The following SGCD variants were observed in gnomAD, a reference collection of about 807,000 sequenced individuals.
SGCD encodes the protein delta-sarcoglycan.
A neutral mutation model predicts 36.6 loss-of-function variants in SGCD; 18 were observed. The observed-to-expected ratio is 0.49, with a 90% confidence interval of 0.34 to 0.73. SGCD has a LOEUF of 0.73. Ranked by LOEUF, SGCD falls within the 30% of genes least tolerant of loss-of-function variation. The pLI, the probability that SGCD is intolerant of heterozygous loss-of-function variation, is 0.01. For missense variants in SGCD, 387 were observed against 346.7 expected, an observed-to-expected ratio of 1.12 and a Z score of -0.92; for synonymous variants, 133 against 130.6, an observed-to-expected ratio of 1.02 and a Z score of -0.12.
chr5:156,123,569 G>A (rs561712201), intron 2 of SGCD, among the ~76,000 whole-genome samples: 2 of 152,198 alleles, frequency 1.3e-5, no homozygotes, highest in South Asian at 2.1e-4. Context: ...ATGGAAAATC[G>A]CTTTTGCTCT....
chr5:156,311,225 C>T (rs1171461141), intron 3 of SGCD, among the ~76,000 whole-genome samples: 1 of 152,102 alleles, frequency 6.6e-6, no homozygotes, highest in Non-Finnish European at 1.5e-5. Context: ...CTGCTTGAGA[C>T]TAGATTCCCT....
chr5:156,198,388 T>C (rs955578185), intron 3 of SGCD, among the ~76,000 whole-genome samples: 5 of 152,160 alleles, frequency 3.3e-5, no homozygotes, highest in Non-Finnish European at 5.9e-5. Flanking sequence ...GCACTTGGAT[T>C]GAGAGACACC....
chr5:156,702,003 A>G lies in SGCD; in HGVS notation c.575+54467A>G, dbSNP rs142211206. ...CAACTCAGTCTTATATTGTCAGATT[A>G]TATTAGGGTTGCTTCTGTGATTTGA... On this transcript the variant is annotated intron_variant, in intron 7 of 8. Transcript: ENST00000337851. Among the ~76,000 whole-genome samples, 8 of 152,294 alleles carry G rather than the reference A, an allele frequency of 5.3e-5. No homozygotes were observed. In the East Asian group the frequency reaches 1.5e-3, roughly 29 times the overall value.
intron 5 of SGCD, among the ~76,000 whole-genome samples, chr5:156,591,520 AG>A (rs1429298321): frequency 4.6e-5 from 7 of 152,250 alleles, no homozygotes; most frequent in Non-Finnish European, 1.0e-4. Context: ...GGAGTGGGGA[AG>A]GGTTCTAGTG....
chr5:156,387,643 A>AG lies in SGCD; in HGVS notation c.192+42967dup, dbSNP rs543882865. Among the ~76,000 whole-genome samples the AG allele has an allele frequency of 1.5e-3, 225 of 152,342 alleles. 1 individual carries two copies. Among genetic ancestry groups the AG allele is most frequent in the Middle Eastern group, 3.4e-3 (1 of 294 alleles). ...TTGAAGCATGACATGGCTTTATAAA[A>AG]GCAGAATTATTGTTTGGCAGAGAGT... On this transcript the variant is annotated intron_variant, in intron 3 of 8. Transcript: ENST00000337851.
At chr5:156,250,614 CCA>C (rs1316659015) in intron 3 of SGCD, among the ~76,000 whole-genome samples, 9 of 152,104 alleles carry the variant, frequency 5.9e-5, no homozygotes, top group African/African-American at 2.2e-4. Context: ...AGAGGTTGAA[CCA>C]CTGTTCCTTT....
intron 3 of SGCD, among the ~76,000 whole-genome samples, chr5:156,397,171 A>G (rs916329821): frequency 6.6e-6 from 1 of 152,148 alleles, no homozygotes; most frequent in Non-Finnish European, 1.5e-5. Context: ...TCCTTTGGAG[A>G]GCTCATTCCA....
chr5:156,571,289 G>C (rs137910165), intron 4 of SGCD, among the ~76,000 whole-genome samples: 83 of 152,208 alleles, frequency 5.5e-4, no homozygotes, highest in African/African-American at 1.9e-3. Flanking sequence ...CAAGTGATCC[G>C]CCTGCCTGGG....
intron 1 of SGCD, among the ~76,000 whole-genome samples, chr5:156,010,240 T>A (rs868270139): frequency 7.2e-5 from 11 of 152,214 alleles, no homozygotes; most frequent in African/African-American, 2.7e-4. Flanking sequence ...GCAATTAAAA[T>A]CTCTGTTGAT....
chr5:155,864,808 T>C, the SGCD span, among the ~76,000 whole-genome samples: 1 of 152,222 alleles, frequency 6.6e-6, no homozygotes, highest in Non-Finnish European at 1.5e-5. Context: ...TCAGATATTT[T>C]CGGTACAGAT....
At chr5:155,791,825 C>G in the SGCD span, among the ~76,000 whole-genome samples, 4 of 152,056 alleles carry the variant, frequency 2.6e-5, no homozygotes, top group Non-Finnish European at 5.9e-5. Flanking sequence ...ATAAAATGGC[C>G]ATACTGCCCA....
Position 156,760,725 on chromosome 5 carries a change from C to T in SGCD, c.*1335C>T, listed in dbSNP as rs1027575391. On this transcript the variant is annotated 3_prime_UTR_variant, in exon 9 of 9. Coordinates refer to ENST00000337851, the MANE Select transcript of SGCD (RefSeq NM_000337.6). Reference sequence around the variant, plus strand: ...CCTTCATCATCATGCTCCAGGGTCACCCTGGCCAGCTCTTGTGCTGGGACA... The same window carrying T: ...CCTTCATCATCATGCTCCAGGGTCATCCTGGCCAGCTCTTGTGCTGGGACA... 2.0e-5 allele frequency: 3 copies of T among 152,714 alleles called. No homozygotes were observed. The highest frequency in any genetic ancestry group is 4.4e-5 in the Non-Finnish European group (3 of 68,080). 9.5% of individuals were successfully genotyped at this position (152,714 alleles called of 1,614,324 possible). A position where few individuals can be genotyped will look rare whatever the true frequency, so the allele number is the denominator to read the frequency against.
chr5:155,964,827 A>G (rs1199017307), intron 1 of SGCD, among the ~76,000 whole-genome samples: 1 of 152,114 alleles, frequency 6.6e-6, no homozygotes, highest in African/African-American at 2.4e-5. Flanking sequence ...ATGGGCCTAC[A>G]GCTAGGGTAT....
intron 6 of SGCD, among the ~76,000 whole-genome samples, chr5:156,623,730 G>C (rs1291857108): frequency 6.6e-6 from 1 of 152,144 alleles, no homozygotes; most frequent in Non-Finnish European, 1.5e-5. Flanking sequence ...CAATATGCAG[G>C]GTGCCTATGA....
chr5:156,410,855 T>C (rs1215554114), intron 3 of SGCD, among the ~76,000 whole-genome samples: 1 of 152,176 alleles, frequency 6.6e-6, no homozygotes, highest in Non-Finnish European at 1.5e-5. Flanking sequence ...CACTCCTCTT[T>C]TCTGGAATCC....
At chr5:155,740,788 T>C in the SGCD span, among the ~76,000 whole-genome samples, 1 of 152,340 alleles carries the variant, frequency 6.6e-6, no homozygotes, top group East Asian at 1.9e-4. Flanking sequence ...AAAATATTCA[T>C]CCAGAAACAA....
chr5:156,614,580 T>C (rs1046378850), intron 6 of SGCD, among the ~76,000 whole-genome samples: 1 of 152,254 alleles, frequency 6.6e-6, no homozygotes, highest in African/African-American at 2.4e-5. Flanking sequence ...CCTGGTCACT[T>C]AGATTCAAAC....
At chr5:156,352,622 A>G (rs1172491564) in intron 3 of SGCD, among the ~76,000 whole-genome samples, 1 of 152,234 alleles carries the variant, frequency 6.6e-6, no homozygotes, top group Non-Finnish European at 1.5e-5. Context: ...CTATTCGTTA[A>G]CATTACAAAA....
At chr5:156,452,859 G>T (rs1019393694) in intron 3 of SGCD, among the ~76,000 whole-genome samples, 6 of 152,040 alleles carry the variant, frequency 3.9e-5, no homozygotes, top group Non-Finnish European at 8.8e-5. Context: ...CCAAATAGTT[G>T]CACAAGAATG....
Sources: gnomAD v4.1 joint callset for allele counts (sites outside exome capture counted in the v4.1 genomes callset) on GRCh38, gnomAD v4.1.1 for gene constraint, MANE v1.5 for transcripts, NCBI Gene and HGNC (gene_info 2026-07-23, HGNC 2026-07-21) for gene names.